HAGH: variants seen among roughly 807,000 people sequenced by gnomAD.
The protein encoded by HAGH is hydroxyacylglutathione hydrolase, mitochondrial.
HAGH carries 29 observed loss-of-function variants against 35.1 expected under a neutral mutation model. That is an observed-to-expected ratio of 0.83 (90% CI 0.62 to 1.13). The LOEUF (loss-of-function observed/expected upper bound fraction) is 1.13. HAGH is among the 50% of genes most tolerant of loss of function. HAGH has a pLI of 0.00. For synonymous variants in HAGH, 225 were observed against 176.1 expected, an observed-to-expected ratio of 1.28 and a Z score of -2.20; for missense variants, 478 against 419.6, an observed-to-expected ratio of 1.14 and a Z score of -1.22.
At chr16:1,815,932 ATTTTTTTTTTTT>A (rs61101799) in intron 7 of HAGH, among the ~76,000 whole-genome samples, 2 of 102,246 alleles carry the variant, frequency 2.0e-5, no homozygotes, top group South Asian at 4.2e-4. Context: ...GGCAGGGAGA[ATTTTTTTTTTTT>A]TTTTTTTTTT....
intron 1 of HAGH, among the ~76,000 whole-genome samples, chr16:1,824,183 C>T (rs1898289682): frequency 6.6e-6 from 1 of 151,348 alleles, no homozygotes; most frequent in Admixed American, 6.6e-5. Context: ...GATCGCCCTA[C>T]TGCACTCCAG....
chr16:1,822,901 C>T lies in HAGH; in HGVS notation c.213G>A (p.Lys71=). The T allele has an allele frequency of 1.2e-6, 2 of 1,613,902 alleles. No homozygotes were observed. The highest frequency in any genetic ancestry group is 1.7e-6 in the Non-Finnish European group (2 of 1,179,990). ...GCACCGGATCCACAATGGCAGCCTC[C>T]TTGGTCTCATCATCAATGACCAGGT... The part of the protein sequence containing the change: ...YMYLVIDDET[K]EAAIVDPVQP... Residue 71 remains lysine, a synonymous_variant, in exon 2 of 9, where the codon AAG becomes AAA. Coordinates refer to ENST00000397356, the MANE Select transcript of HAGH (RefSeq NM_005326.6).
In HAGH at chr16:1,807,918, C is replaced by T. The variant is rs1346189791; in HGVS notation, c.*1365G>A. On this transcript the variant is annotated 3_prime_UTR_variant, in exon 9 of 9. Coordinates refer to ENST00000397356, the MANE Select transcript of HAGH (RefSeq NM_005326.6). ...CCAGGCTTGCTCCTAGGTCCCAGGG[C>T]CGCTCTGCCCCTCCACTCAGAAGAG... The T allele has an allele frequency of 2.0e-5, 3 of 152,236 alleles. No individual in the cohort carries two copies. Among genetic ancestry groups the T allele is most frequent in the East Asian group, 1.9e-4 (1 of 5,190 alleles). The allele number at this position is 152,236 out of a possible 1,614,324, so 9.4% of individuals were successfully genotyped here.
At position 1,817,275 on chromosome 16, in the gene HAGH, G is replaced by GA; in HGVS notation, c.542-5dup. 6.3e-7 allele frequency: 1 copy of GA among 1,597,850 alleles called. No homozygotes were observed. The highest frequency in any genetic ancestry group is 8.6e-7 in the Non-Finnish European group (1 of 1,165,182). On this transcript the variant is annotated splice_polypyrimidine_tract_variant and splice_region_variant and intron_variant, in intron 5 of 8. Coordinates refer to ENST00000397356, the MANE Select transcript of HAGH (RefSeq NM_005326.6). ...CCAGCCACAAACAAGGTGTCACCTG[G>GA]AAACAAGGACAGCCACGAGGTGGGG...
In HAGH at chr16:1,822,471, C is replaced by T. The variant is rs376727081; in HGVS notation, c.250-107G>A. 21 of 874,444 alleles carry T rather than the reference C, an allele frequency of 2.4e-5. 1 individual carries two copies. Among genetic ancestry groups the T allele is most frequent in the East Asian group, 1.7e-4 (7 of 41,128 alleles). 54.2% of individuals were successfully genotyped at this position (874,444 alleles called of 1,614,324 possible). The stretch of plus-strand genomic sequence containing the variant: ...GAACCCAGGACACGCCATGAGGGGC[C>T]GCTGACATGGCCCGTCCTGACCCTG... On this transcript the variant is annotated intron_variant, in intron 2 of 8. Coordinates refer to ENST00000397356, the MANE Select transcript of HAGH (RefSeq NM_005326.6).
At chr16:1,826,969 C>T (rs1172297029), upstream of HAGH, 4 of 612,532 alleles carry the variant, frequency 6.5e-6, no homozygotes, top group Non-Finnish European at 7.7e-6. Context: ...CCGACTGCCA[C>T]GGGCCGGGAG....
chr16:1,819,068 G>C, intron 5 of HAGH, 47 bp downstream of exon 5: 2 of 1,177,280 alleles, frequency 1.7e-6, no homozygotes, highest in Non-Finnish European at 2.5e-6. Flanking sequence ...AGGAGACACA[G>C]GGTCTTCACG....
At position 1,809,358 on chromosome 16, in the gene HAGH, T is replaced by C. The variant is rs752269914; in HGVS notation, c.852A>G (p.Ala284=). 1.2e-6 allele frequency: 2 copies of C among 1,612,386 alleles called. No individual in the cohort carries two copies. Among genetic ancestry groups the C allele is most frequent in the Non-Finnish European group, 8.5e-7 (1 of 1,179,840 alleles). The change falls in exon 9 of 9, where the codon GCA becomes GCG. Residue 284 remains alanine (A), a synonymous_variant. Transcript: ENST00000397356. ...TGGTGGTCACCGGGTCCGTCTCACC[T>C]GCGTGCTGCTGCACCGTCTTCTCCC... is the stretch of plus-strand genomic sequence containing the variant. ...RVREKTVQQH[A]GETDPVTTMR...
At chr16:1,817,323 G>A (rs1255187112) in intron 5 of HAGH, 52 bp from the exon 6 acceptor site, 3 of 1,132,352 alleles carry the variant, frequency 2.6e-6, no homozygotes, top group Non-Finnish European at 4.0e-6. Context: ...TGGTGGCTAG[G>A]ACTCAGGAGG....
At chr16:1,814,988 C>T (rs1596919275) in intron 7 of HAGH, among the ~76,000 whole-genome samples, 2 of 151,634 alleles carry the variant, frequency 1.3e-5, no homozygotes, top group Middle Eastern at 3.4e-3. Context: ...AGACTTGTTT[C>T]CAGATGATAT....
chr16:1,812,841 TCCAGCACCTCCTTTCAAACGGCTGGCTC>T (rs1897719557), intron 7 of HAGH, among the ~76,000 whole-genome samples: 1 of 152,194 alleles, frequency 6.6e-6, no homozygotes, highest in Admixed American at 6.5e-5. Context: ...GGGACTGGGC[TCCAGCACCTCCTTTCAAACGGCTGGCTC>T]CACCGCGTGG....
Position 1,822,308 on chromosome 16 carries a change from G to C in HAGH, c.306C>G (p.His102Gln). Residue 102 changes from histidine to glutamine, a missense_variant, in exon 3 of 9, where the codon CAC becomes CAG. His to Gln is a conservative substitution (Grantham distance 24). Transcript: ENST00000397356. ...GVKLTTVLTTHHHWDHAGGNE... is the reference protein window; with the variant it reads ...GVKLTTVLTTQHHWDHAGGNE... ...TGAGACGCGGCACTTACCAGTGGTG[G>C]TGGGTGGTGAGCACTGTGGTCAGTT... The C allele has an allele frequency of 6.2e-7, 1 of 1,608,216 alleles. No individual in the cohort carries two copies.
At chr16:1,823,489 G>A (rs541576152) in intron 1 of HAGH, among the ~76,000 whole-genome samples, 106 of 151,798 alleles carry the variant, frequency 7.0e-4, no homozygotes, top group African/African-American at 2.4e-3. Context: ...GGATGGTCTC[G>A]ATCTCCTGAC....
At chr16:1,818,017 G>A (rs376823745) in intron 5 of HAGH, among the ~76,000 whole-genome samples, 11 of 152,234 alleles carry the variant, frequency 7.2e-5, no homozygotes, top group Admixed American at 2.6e-4. Flanking sequence ...TTCTGGGCAC[G>A]AGAGATGGGA....
At chr16:1,826,551 C>G (rs1052400808) in intron 1 of HAGH, 161 bp downstream of exon 1, 6 of 714,532 alleles carry the variant, frequency 8.4e-6, no homozygotes, top group Admixed American at 1.8e-4. Context: ...TCCGCGCCAG[C>G]CTCAGCGCCT....
rs892767432 is a variant in HAGH at position 1,807,670 on chromosome 16, T to C, written c.*1613A>G. The C allele has an allele frequency of 1.3e-5, 2 of 152,234 alleles. No individual in the cohort carries two copies. The highest frequency in any genetic ancestry group is 2.4e-5 in the African/African-American group (1 of 41,442). The allele number at this position is 152,234 out of a possible 1,614,324, so 9.4% of individuals were successfully genotyped here. On this transcript the variant is annotated 3_prime_UTR_variant, in exon 9 of 9. Coordinates refer to ENST00000397356, the MANE Select transcript of HAGH (RefSeq NM_005326.6). ...AACATTTAAGATTCTGGCCTAAGAATATTTGCTGAACAATAGAACAAACTC... is the reference window on the plus strand; with the variant it reads ...AACATTTAAGATTCTGGCCTAAGAACATTTGCTGAACAATAGAACAAACTC...
chr16:1,819,313 C>T, intron 4 of HAGH, 90 bp from the exon 5 acceptor site: 1 of 761,230 alleles, frequency 1.3e-6, no homozygotes, highest in Non-Finnish European at 2.2e-6. Flanking sequence ...CCCTACTGGG[C>T]CTCCTCAGCT....
intron 1 of HAGH, 151 bp downstream of exon 1, chr16:1,826,549 AGCCTCAGCGCCT>A: frequency 1.4e-6 from 1 of 704,278 alleles, no homozygotes; most frequent in Non-Finnish European, 1.7e-6. Context: ...GCTCCGCGCC[AGCCTCAGCGCCT>A]GCGCCGCCTC....
intron 1 of HAGH, 164 bp downstream of exon 1, chr16:1,826,548 C>T: frequency 1.4e-6 from 1 of 714,488 alleles, no homozygotes; most frequent in Non-Finnish European, 1.7e-6. Context: ...CGCTCCGCGC[C>T]AGCCTCAGCG....
Sources: allele counts gnomAD v4.1 joint callset (sites outside exome capture counted in the v4.1 genomes callset), GRCh38; gene constraint gnomAD v4.1.1; transcripts MANE v1.5; gene names NCBI Gene and HGNC (gene_info 2026-07-23, HGNC 2026-07-21).